Variants in BCL2L1 observed in about 807,000 individuals in gnomAD.
BCL2L1 encodes the protein bcl-2-like protein 1.
In BCL2L1, 1 loss-of-function variant was observed where a neutral mutation model predicts 18.7. The observed-to-expected ratio is 0.05, with a 90% CI of 0.02 to 0.25. The LOEUF (loss-of-function observed/expected upper bound fraction) is 0.25. BCL2L1 is among the 10% of genes least tolerant of loss of function. The probability of loss-of-function intolerance (pLI) is 1.00; values close to 1 mark genes in which losing one functional copy is unlikely to be tolerated. For synonymous variants in BCL2L1, 103 were observed against 122.7 expected (o/e 0.84, Z 1.06); for missense variants, 207 against 304.9 (o/e 0.68, Z 2.39).
intron 2 of BCL2L1, among the ~76,000 whole-genome samples, chr20:31,718,554 C>T (rs2061574589): frequency 6.6e-6 from 1 of 151,430 alleles, no homozygotes; most frequent in Non-Finnish European, 1.5e-5. Flanking sequence ...ACTTGGGAGG[C>T]TGAGGCAGGA....
At chr20:31,697,469 G>T (rs958054102) in intron 2 of BCL2L1, among the ~76,000 whole-genome samples, 67 of 150,794 alleles carry the variant, frequency 4.4e-4, no homozygotes, top group African/African-American at 1.6e-3. Flanking sequence ...ACGGAGTCTC[G>T]CTCTGTCACC....
At chr20:31,689,408 T>C (rs924118061) in intron 2 of BCL2L1, among the ~76,000 whole-genome samples, 1 of 139,850 alleles carries the variant, frequency 7.2e-6, no homozygotes, top group Non-Finnish European at 1.6e-5. Context: ...CTGGGAGACA[T>C]AGTGAGATCC....
intron 2 of BCL2L1, among the ~76,000 whole-genome samples, chr20:31,692,884 C>T (rs1347220837): frequency 6.6e-6 from 1 of 151,728 alleles, no homozygotes; most frequent in African/African-American, 2.4e-5. Flanking sequence ...GCACTACAGC[C>T]TGGGCGACAG....
intron 2 of BCL2L1, among the ~76,000 whole-genome samples, chr20:31,700,248 C>T (rs935470909): frequency 9.2e-5 from 14 of 152,266 alleles, no homozygotes; most frequent in Non-Finnish European, 1.3e-4. Context: ...ATGAATAGCA[C>T]CTGGGATGGC....
At chr20:31,713,683 G>T in intron 2 of BCL2L1, 1 of 732,232 alleles carries the variant, frequency 1.4e-6, no homozygotes, top group Non-Finnish European at 1.7e-6. Context: ...AAATCAATAT[G>T]TAAAAAAAGA....
intron 2 of BCL2L1, chr20:31,713,331 G>T: frequency 3.0e-6 from 3 of 985,354 alleles, no homozygotes; most frequent in Non-Finnish European, 3.6e-6. Context: ...AGGAGGAAAG[G>T]GTAGGGAGCA....
chr20:31,696,361 A>G (rs2061170427), intron 2 of BCL2L1, among the ~76,000 whole-genome samples: 3 of 152,166 alleles, frequency 2.0e-5, no homozygotes, highest in African/African-American at 7.2e-5. Flanking sequence ...GTCCTTCCCT[A>G]TTATGAAATG....
chr20:31,708,729 C>A (rs888568669), intron 2 of BCL2L1, among the ~76,000 whole-genome samples: 10 of 152,192 alleles, frequency 6.6e-5, no homozygotes, highest in Non-Finnish European at 1.0e-4. Context: ...CTGAGCTTTG[C>A]AGAGAAGGAG....
intron 2 of BCL2L1, among the ~76,000 whole-genome samples, chr20:31,713,140 G>A (rs1206645597): frequency 6.6e-6 from 1 of 152,094 alleles, no homozygotes; most frequent in African/African-American, 2.4e-5. Flanking sequence ...TGCATCTCCA[G>A]GGGAAGTCCA....
chr20:31,688,109 T>C (rs2060992669), intron 2 of BCL2L1, among the ~76,000 whole-genome samples: 1 of 151,988 alleles, frequency 6.6e-6, no homozygotes, highest in Admixed American at 6.6e-5. Flanking sequence ...CATGAAAGTG[T>C]TTATCTTATA....
chr20:31,701,790 T>G (rs537233369), intron 2 of BCL2L1, among the ~76,000 whole-genome samples: 1 of 152,378 alleles, frequency 6.6e-6, no homozygotes, highest in South Asian at 2.1e-4. Context: ...TAATTCTCAT[T>G]AGCTTCTCTT....
intron 2 of BCL2L1, among the ~76,000 whole-genome samples, chr20:31,673,190 G>A (rs1281111623): frequency 6.7e-6 from 1 of 149,796 alleles, no homozygotes. Flanking sequence ...TTCTGCCTTA[G>A]TCTCCCAAGT....
At chr20:31,720,261 C>G in intron 2 of BCL2L1, 1 of 666,488 alleles carries the variant, frequency 1.5e-6, no homozygotes, top group Non-Finnish European at 1.9e-6. Context: ...CAGGAGGTCT[C>G]TTGCTCAGTG....
At chr20:31,675,130 G>A (rs921936016) in intron 2 of BCL2L1, among the ~76,000 whole-genome samples, 11 of 152,166 alleles carry the variant, frequency 7.2e-5, no homozygotes, top group African/African-American at 2.7e-4. Context: ...GCATGCCTGT[G>A]CCAGACGAAC....
Position 31,700,841 on chromosome 20 carries a change from C to T in BCL2L1, c.564+20814G>A, listed in dbSNP as rs2061266648. Reference sequence around the variant, plus strand: ...CAATGGCAATATCTCAATTAATAAACCTTCTACAGAAAAGACTCCTTGAAA... The same window carrying T: ...CAATGGCAATATCTCAATTAATAAATCTTCTACAGAAAAGACTCCTTGAAA... On this transcript the variant is annotated intron_variant, in intron 2 of 2. Transcript: ENST00000307677. Among the ~76,000 whole-genome samples, 4 of 152,206 alleles carry T rather than the reference C, an allele frequency of 2.6e-5. No homozygotes were observed. The South Asian group carries it at 8.3e-4, about 31-fold the overall frequency.
intron 2 of BCL2L1, among the ~76,000 whole-genome samples, chr20:31,711,839 G>C (rs914904148): frequency 1.3e-5 from 2 of 152,154 alleles, no homozygotes; most frequent in Non-Finnish European, 2.9e-5. Flanking sequence ...TTGGTAAATT[G>C]AAAGTATTAT....
At chr20:31,691,025 G>A (rs938124714) in intron 2 of BCL2L1, among the ~76,000 whole-genome samples, 1 of 150,162 alleles carries the variant, frequency 6.7e-6, no homozygotes, top group Non-Finnish European at 1.5e-5. Flanking sequence ...GGTGACATAT[G>A]CCTGTAATCC....
At chr20:31,677,976 C>G (rs1313225038) in intron 2 of BCL2L1, among the ~76,000 whole-genome samples, 7 of 152,186 alleles carry the variant, frequency 4.6e-5, no homozygotes, top group Admixed American at 4.6e-4. Context: ...CCTTTCCTCA[C>G]TGCCTGGCAA....
At position 31,665,807 on chromosome 20, in the gene BCL2L1, A is replaced by C; in HGVS notation, c.*142T>G. On this transcript the variant is annotated 3_prime_UTR_variant, in exon 3 of 3. Coordinates refer to ENST00000307677, the MANE Select transcript of BCL2L1 (RefSeq NM_138578.3). ...AATTCTAGAAAACTAGCTGCAAGGGACCAGATCTGGGCCCAACCCTGTGAT... is the reference window on the plus strand; with the variant it reads ...AATTCTAGAAAACTAGCTGCAAGGGCCCAGATCTGGGCCCAACCCTGTGAT... 8 of 1,073,348 alleles carry C rather than the reference A, an allele frequency of 7.5e-6. No homozygotes were observed. The highest frequency in any genetic ancestry group is 1.6e-5 in the South Asian group (1 of 63,340). 66.5% of individuals were successfully genotyped at this position (1,073,348 alleles called of 1,614,324 possible).
Sources: allele counts gnomAD v4.1 joint callset (sites outside exome capture counted in the v4.1 genomes callset), GRCh38; gene constraint gnomAD v4.1.1; transcripts MANE v1.5; gene names NCBI Gene and HGNC (gene_info 2026-07-23, HGNC 2026-07-21).